The following TACC2 variants were observed in gnomAD, a reference collection of about 807,000 sequenced individuals.
TACC2 encodes the protein transforming acidic coiled-coil-containing protein 2.
TACC2 carries 137 observed loss-of-function variants against 227.3 expected under a neutral mutation model. The ratio of observed to expected loss-of-function variants is 0.60; its 90% CI spans 0.52 to 0.69. The LOEUF is 0.69. Ranked by LOEUF, TACC2 falls within the 30% of genes least tolerant of loss-of-function variation. TACC2 has a pLI of 0.00. For missense variants in TACC2, 3,470 were observed against 3,694.4 expected, an observed-to-expected ratio of 0.94 and a Z score of 1.57; for synonymous variants, 1,523 against 1,487.5, an observed-to-expected ratio of 1.02 and a Z score of -0.55.
At chr10:122,248,437 C>G (rs781107023) in intron 19 of TACC2, 1 of 606,760 alleles carries the variant, frequency 1.6e-6, no homozygotes, top group East Asian at 2.8e-5. Flanking sequence ...TGCACAGGCC[C>G]GGGTCTGGGA....
intron 7 of TACC2, among the ~76,000 whole-genome samples, chr10:122,167,778 A>G (rs990979188): frequency 6.6e-6 from 1 of 152,208 alleles, no homozygotes; most frequent in Non-Finnish European, 1.5e-5. Context: ...GCAAAAGTGG[A>G]AATGCCCTAT....
intron 2 of TACC2, among the ~76,000 whole-genome samples, chr10:122,048,753 C>T (rs553174057): frequency 1.3e-5 from 2 of 152,246 alleles, no homozygotes; most frequent in South Asian, 4.1e-4. Flanking sequence ...CACAAAGGTG[C>T]CCATGGGCTA....
chr10:122,248,509 C>A, intron 19 of TACC2, 134 bp from the exon 20 acceptor site: 1 of 1,049,286 alleles, frequency 9.5e-7, no homozygotes, highest in Non-Finnish European at 1.4e-6. Flanking sequence ...GGCGTGGGTT[C>A]GTCCCAAGGA....
At chr10:122,192,977 G>A (rs1374757844) in intron 7 of TACC2, among the ~76,000 whole-genome samples, 2 of 152,180 alleles carry the variant, frequency 1.3e-5, no homozygotes, top group Non-Finnish European at 2.9e-5. Flanking sequence ...TTTCCACACC[G>A]ATAAACAGAT....
chr10:122,121,573 A>G (rs1281224254), intron 5 of TACC2, among the ~76,000 whole-genome samples: 1 of 152,198 alleles, frequency 6.6e-6, no homozygotes, highest in Non-Finnish European at 1.5e-5. Context: ...TCACAGGAGT[A>G]TCTAAAAAAT....
rs2137105398 is a variant in TACC2, at chr10:122,084,191, T to C, written c.1691T>C (p.Val564Ala). Residue 564 changes from valine to alanine, a missense_variant, in exon 4 of 23, where the codon GTG (valine) becomes GCG (alanine). By Grantham distance (64) the Val-to-Ala change is moderately conservative. This residue lies in a region of TACC2 where 1,924 missense variants were observed against 1,978.3 expected (regional missense o/e 0.97). Coordinates refer to ENST00000369005, the MANE Select transcript of TACC2 (RefSeq NM_206862.4). ...CATGAAGATTCCACAAGCCCAGCCG[T>C]GGCTAAAGAAGGAAGCAGATCACCT... ...KVHEDSTSPA[V>A]AKEGSRSPGD... is the part of the protein sequence containing the mutation. 4 of 1,613,896 alleles carry C rather than the reference T, an allele frequency of 2.5e-6. No homozygotes were observed. Among genetic ancestry groups the C allele is most frequent in the Non-Finnish European group, 3.4e-6 (4 of 1,179,988 alleles).
intron 2 of TACC2, among the ~76,000 whole-genome samples, chr10:122,030,633 C>G (rs537225289): frequency 3.3e-5 from 5 of 151,964 alleles, no homozygotes; most frequent in African/African-American, 1.2e-4. Context: ...CTTGAGTGAG[C>G]AGATGTTTTT....
At chr10:122,249,788 C>A in intron 22 of TACC2, 124 bp downstream of exon 22, 1 of 1,177,728 alleles carries the variant, frequency 8.5e-7, no homozygotes, top group Non-Finnish European at 1.2e-6. Flanking sequence ...ATTCATGCTT[C>A]ATGAGCATAC....
At position 122,084,428 on chromosome 10, in the gene TACC2, A is replaced by C; in HGVS notation, c.1928A>C (p.His643Pro). The C allele has an allele frequency of 1.9e-6, 3 of 1,612,920 alleles. No individual in the cohort carries two copies. The highest frequency in any genetic ancestry group is 2.5e-6 in the Non-Finnish European group (3 of 1,180,020). The change falls in exon 4 of 23, where the codon CAC (histidine) becomes CCC (proline). Residue 643 changes from histidine (H) to proline (P), a missense_variant. His to Pro is a moderately conservative substitution (Grantham distance 77). Coordinates refer to ENST00000369005, the MANE Select transcript of TACC2 (RefSeq NM_206862.4). ...CCACCCAGAAAGGGGGGTGCTGGGC[A>C]CACGGACGGGCCCCACTCTCAGACA... ...AQPPRKGGAG[H>P]TDGPHSQTAE...
At chr10:122,232,384 C>A (rs1404547868) in intron 16 of TACC2, among the ~76,000 whole-genome samples, 1 of 152,186 alleles carries the variant, frequency 6.6e-6, no homozygotes, top group African/African-American at 2.4e-5. Flanking sequence ...CCTGCCACCT[C>A]CTTTGGAGAG....
In TACC2 at chr10:122,210,306, C is replaced by T. The variant is rs1364199758; in HGVS notation, c.5972-91C>T. ...GCCTGGGGCCGTGGTTTGTCAACCC[C>T]TACGCTGGAGGGTGATGTTTTGGTA... On this transcript the variant is annotated intron_variant, in intron 8 of 22. Coordinates refer to ENST00000369005, the MANE Select transcript of TACC2 (RefSeq NM_206862.4). The surrounding 1 kb of genome is among the most constrained non-coding windows in gnomAD (Gnocchi z 4.6). 18 of 1,069,472 alleles carry T rather than the reference C, an allele frequency of 1.7e-5. No individual in the cohort carries two copies. Among genetic ancestry groups the T allele is most frequent in the Non-Finnish European group, 2.4e-5 (17 of 702,326 alleles). The allele number at this position is 1,069,472 out of a possible 1,614,324, so 66.2% of individuals were successfully genotyped here. A position where few individuals can be genotyped will look rare whatever the true frequency, so the allele number is the denominator to read the frequency against.
At position 122,085,717 on chromosome 10, in the gene TACC2, A is replaced by G; in HGVS notation, c.3217A>G (p.Thr1073Ala). The G allele has an allele frequency of 6.2e-7, 1 of 1,613,782 alleles. No homozygotes were observed. Among genetic ancestry groups the G allele is most frequent in the Non-Finnish European group, 8.5e-7 (1 of 1,179,994 alleles). ...LAPASPGVTP[T>A]QDAPETEACD... ...GCCCGCCAGCCCCGGAGTCACACCC[A>G]CCCAGGATGCCCCAGAGACAGAGGC... Residue 1073 changes from threonine (T) to alanine (A), a missense_variant, in exon 4 of 23, where the codon ACC becomes GCC. Transcript: ENST00000369005.
intron 1 of TACC2, among the ~76,000 whole-genome samples, chr10:122,015,232 C>T (rs1009644881): frequency 1.3e-5 from 2 of 152,034 alleles, no homozygotes; most frequent in East Asian, 1.9e-4. Context: ...TGGCCCGGCA[C>T]GGTGGCTCAT....
At chr10:122,079,488 G>A (rs902679619) in intron 3 of TACC2, among the ~76,000 whole-genome samples, 1 of 152,192 alleles carries the variant, frequency 6.6e-6, no homozygotes, top group Non-Finnish European at 1.5e-5. Flanking sequence ...AAATCTGGTT[G>A]AGACAGTAGC....
Position 122,210,278 on chromosome 10 carries a change from G to A in TACC2, c.5972-119G>A. 3 of 770,670 alleles carry A rather than the reference G, an allele frequency of 3.9e-6. No individual in the cohort carries two copies. The highest frequency in any genetic ancestry group is 4.5e-6 in the Non-Finnish European group (2 of 448,514). The allele number at this position is 770,670 out of a possible 1,614,324, so 47.7% of individuals were successfully genotyped here. On this transcript the variant is annotated intron_variant, in intron 8 of 22. Transcript: ENST00000369005. This position sits in a 1 kb window ranked among gnomAD's most constrained non-coding sequence, Gnocchi z 4.6. ...AGTAGTACACACAGTGATGGGCGGGGTGGCCTGGGGCCGTGGTTTGTCAAC... is the reference window on the plus strand; with the variant it reads ...AGTAGTACACACAGTGATGGGCGGGATGGCCTGGGGCCGTGGTTTGTCAAC...
At chr10:122,047,446 G>A (rs2075148845) in intron 2 of TACC2, among the ~76,000 whole-genome samples, 1 of 152,148 alleles carries the variant, frequency 6.6e-6, no homozygotes, top group Admixed American at 6.5e-5. Flanking sequence ...AGACCCCTCA[G>A]GGGGGGGCAG....
At chr10:122,002,573 A>G (rs76623314) in intron 1 of TACC2, among the ~76,000 whole-genome samples, 1,612 of 152,154 alleles carry the variant, frequency 0.011, 27 homozygotes, top group African/African-American at 0.037. Flanking sequence ...ACCTTTAAAG[A>G]TTTGGTAAAA....
At chr10:122,118,257 C>T (rs34105165) in intron 5 of TACC2, among the ~76,000 whole-genome samples, 18,646 of 152,060 alleles carry the variant, frequency 0.12, 1,263 homozygotes, top group East Asian at 0.23. Context: ...TCAGGCCATC[C>T]GGCCGCCTCG....
intron 7 of TACC2, among the ~76,000 whole-genome samples, chr10:122,187,468 C>A (rs2094244224): frequency 6.6e-6 from 1 of 152,136 alleles, no homozygotes; most frequent in South Asian, 2.1e-4. Flanking sequence ...AGCAGAATTA[C>A]ATTTCCCCAA....
Sources: gnomAD v4.1 joint callset for allele counts (sites outside exome capture counted in the v4.1 genomes callset) on GRCh38, gnomAD v4.1.1 for gene constraint, gnomAD v4.1.1 regional missense constraint, Gnocchi (gnomAD v3.1) non-coding constraint, MANE v1.5 for transcripts, NCBI Gene and HGNC (gene_info 2026-07-23, HGNC 2026-07-21) for gene names.